AMPD3: variants seen among roughly 807,000 people sequenced by gnomAD.
The protein encoded by AMPD3 is AMP deaminase 3.
Under a neutral mutation model 82.3 loss-of-function variants are expected in AMPD3, and 57 were observed. That is an observed-to-expected ratio of 0.69 (90% CI 0.56 to 0.86). The LOEUF is 0.86. Among genes scored for constraint, AMPD3 ranks in the 40% least tolerant of loss-of-function variants. The pLI is 0.00. For synonymous variants in AMPD3, 381 were observed against 394.7 expected (o/e 0.97, Z 0.41); for missense variants, 870 against 1,003.8 (o/e 0.87, Z 1.80).
chr11:10,494,810 A>T, intron 7 of AMPD3, 89 bp from the exon 8 acceptor site: 1 of 1,581,088 alleles, frequency 6.3e-7, no homozygotes, highest in Non-Finnish European at 8.7e-7. Context: ...GTGTGGCCAT[A>T]CAGAAGGCCG....
intron 1 of AMPD3, among the ~76,000 whole-genome samples, chr11:10,459,181 G>C (rs1848187465): frequency 6.6e-6 from 1 of 152,148 alleles, no homozygotes; most frequent in Admixed American, 6.5e-5. Flanking sequence ...TTGACAGGCT[G>C]TTCCCCACCA....
chr11:10,480,263 CCT>C (rs1848863181), intron 3 of AMPD3, among the ~76,000 whole-genome samples: 1 of 152,224 alleles, frequency 6.6e-6, no homozygotes, highest in South Asian at 2.1e-4. Context: ...TCCTGAGCAT[CCT>C]CTCTGATGTC....
At chr11:10,489,702 T>A (rs1433230773) in intron 6 of AMPD3, among the ~76,000 whole-genome samples, 11 of 151,258 alleles carry the variant, frequency 7.3e-5, no homozygotes, top group African/African-American at 2.7e-4. Context: ...TTTTTTGAGA[T>A]GAAGTTTTGC....
In AMPD3 at chr11:10,496,344, A is replaced by G. The variant is rs1014745984; in HGVS notation, c.1431-468A>G. The G allele has an allele frequency of 1.5e-5, 15 of 985,224 alleles. No individual in the cohort carries two copies. In the Admixed American group the frequency reaches 1.8e-4, roughly 12 times the overall value. 61.0% of individuals were successfully genotyped at this position (985,224 alleles called of 1,614,324 possible). A position where few individuals can be genotyped will look rare whatever the true frequency, so the allele number is the denominator to read the frequency against. ...TTGGTGAGCCCCAGGGTATGGGGAG[A>G]GCTGTAGTGGTCTACATTGCTGGCC... is the stretch of plus-strand genomic sequence containing the variant. On this transcript the variant is annotated intron_variant, in intron 9 of 14. Transcript: ENST00000396553.
chr11:10,472,299 G>A (rs1304953251), intron 2 of AMPD3, among the ~76,000 whole-genome samples: 1 of 151,900 alleles, frequency 6.6e-6, no homozygotes, highest in East Asian at 1.9e-4. Context: ...GTTGGGGGGT[G>A]AGGGGCTAGG....
chr11:10,490,528 A>G (rs1037057576), intron 6 of AMPD3: 1 of 985,292 alleles, frequency 1.0e-6, no homozygotes, highest in African/African-American at 1.7e-5. Flanking sequence ...TTAGGTGAAC[A>G]CGGGGAATGC....
At chr11:10,494,779 T>C in intron 7 of AMPD3, 120 bp from the exon 8 acceptor site, 1 of 1,581,490 alleles carries the variant, frequency 6.3e-7, no homozygotes, top group Non-Finnish European at 8.6e-7. Context: ...ATGCAAGAAT[T>C]GACATAGAAG....
In AMPD3 at chr11:10,456,547, G is replaced by A. The variant is rs941705908; in HGVS notation, c.-6+1099G>A. 2.5e-6 allele frequency: 4 copies of A among 1,596,028 alleles called. No homozygotes were observed. The highest frequency in any genetic ancestry group is 3.4e-6 in the Non-Finnish European group (4 of 1,170,734). On this transcript the variant is annotated intron_variant, in intron 1 of 14. Coordinates refer to ENST00000396553, the MANE Select transcript of AMPD3 (RefSeq NM_001025389.2). This position sits in a 1 kb window ranked among gnomAD's most constrained non-coding sequence, Gnocchi z 4.3. ...AAGTTACTGTTTGTTGAAACTGGCA[G>A]TGTTTTAGAACTTTCTAACTTTGGG...
intron 14 of AMPD3, among the ~76,000 whole-genome samples, chr11:10,504,906 G>A (rs1000576925): frequency 3.9e-5 from 6 of 152,140 alleles, no homozygotes; most frequent in African/African-American, 1.4e-4. Flanking sequence ...CCACACACTT[G>A]CTATTATTCT....
At chr11:10,450,982 C>T, upstream of AMPD3, 1 of 1,561,586 alleles carries the variant, frequency 6.4e-7, no homozygotes, top group Non-Finnish European at 8.6e-7. Context: ...AGCGCGTCCC[C>T]TTTGCTCCAG....
rs1413306389 is a variant in AMPD3 at position 10,496,898 on chromosome 11, A to G, written c.1517A>G (p.Asn506Ser). Residue 506 changes from asparagine to serine, a missense_variant, in exon 10 of 15, where the codon AAC becomes AGC. By Grantham distance (46) the Asn-to-Ser change is conservative. Coordinates refer to ENST00000396553, the MANE Select transcript of AMPD3 (RefSeq NM_001025389.2). The stretch of plus-strand genomic sequence containing the variant: ...CTGCCCCTTTTCAAGGCCACTATCA[A>G]CCCCCAAGATCATCGAGAGCTTCAC... The part of the protein sequence containing the change: ...IFLPLFKATI[N>S]PQDHRELHLF... 1.2e-6 allele frequency: 2 copies of G among 1,613,858 alleles called. No homozygotes were observed. Among genetic ancestry groups the G allele is most frequent in the Non-Finnish European group, 1.7e-6 (2 of 1,179,990 alleles).
At chr11:10,481,876 C>A in intron 3 of AMPD3, 187 bp from the exon 4 acceptor site, 2 of 708,380 alleles carry the variant, frequency 2.8e-6, no homozygotes, top group Non-Finnish European at 2.5e-6. Flanking sequence ...CCAACATAAA[C>A]CATATTGTTT....
chr11:10,450,535 G>T (rs1379213837), upstream of AMPD3: 4 of 986,140 alleles, frequency 4.1e-6, no homozygotes, highest in Non-Finnish European at 4.8e-6. Flanking sequence ...GGCGGCACGG[G>T]GAGCGGTGTG....
intron 2 of AMPD3, chr11:10,473,371 G>A (rs1424991934): frequency 1.0e-5 from 10 of 985,014 alleles, no homozygotes; most frequent in Non-Finnish European, 1.2e-5. Flanking sequence ...AGGTCTTTAG[G>A]GAGGAAGGGC....
intron 4 of AMPD3, 156 bp from the exon 5 acceptor site, chr11:10,484,664 C>T (rs1461629752): frequency 7.4e-6 from 5 of 676,640 alleles, no homozygotes; most frequent in East Asian, 1.4e-4. Context: ...TAAGTGCTGA[C>T]GAGACAAAAG....
chr11:10,502,502 G>A lies in AMPD3; in HGVS notation c.1843-219G>A, dbSNP rs968826971. Reference sequence around the variant, plus strand: ...TTCCAACAGTGGGTAGAGGCACCAGGGAGGGCTGGCATGCAATGTAGGAAT... The same window carrying A: ...TTCCAACAGTGGGTAGAGGCACCAGAGAGGGCTGGCATGCAATGTAGGAAT... On this transcript the variant is annotated intron_variant, in intron 12 of 14. Coordinates refer to ENST00000396553, the MANE Select transcript of AMPD3 (RefSeq NM_001025389.2). The A allele has an allele frequency of 4.1e-6, 4 of 985,356 alleles. No homozygotes were observed. The African/African-American group carries it at 5.2e-5, about 13-fold the overall frequency. The allele number at this position is 985,356 out of a possible 1,614,324, so 61.0% of individuals were successfully genotyped here. A position where few individuals can be genotyped will look rare whatever the true frequency, so the allele number is the denominator to read the frequency against.
chr11:10,490,592 T>G (rs897519299), intron 6 of AMPD3: 3 of 985,254 alleles, frequency 3.0e-6, no homozygotes, highest in Non-Finnish European at 3.6e-6. Flanking sequence ...CTTCAATTAT[T>G]TTGTTCCTAA....
chr11:10,456,977 CTTTTTT>C lies in AMPD3; in HGVS notation c.-6+1542_-6+1547del, dbSNP rs571427952. Among the ~76,000 whole-genome samples, 29 of 129,220 alleles carry C rather than the reference CTTTTTT, an allele frequency of 2.2e-4. No homozygotes were observed. Among genetic ancestry groups the C allele is most frequent in the African/African-American group, 8.3e-4 (28 of 33,848 alleles). The allele number at this position is 129,220 out of a possible 152,430, so 84.8% of individuals were successfully genotyped here. On this transcript the variant is annotated intron_variant, in intron 1 of 14. Coordinates refer to ENST00000396553, the MANE Select transcript of AMPD3 (RefSeq NM_001025389.2). This position sits in a 1 kb window ranked among gnomAD's most constrained non-coding sequence, Gnocchi z 4.3. ...TTGTTGTGGTTGCTGTTGTTTCTTG[CTTTTTT>C]TTTTTTTTTTTTGAGAGAAGGTCTT...
intron 2 of AMPD3, chr11:10,473,390 A>G (rs1198185310): frequency 1.0e-6 from 1 of 985,220 alleles, no homozygotes; most frequent in African/African-American, 1.7e-5. Flanking sequence ...GCAGCTGGGA[A>G]GGATTGAGGA....
Sources: allele counts gnomAD v4.1 joint callset (sites outside exome capture counted in the v4.1 genomes callset), GRCh38; gene constraint gnomAD v4.1.1; non-coding constraint Gnocchi (gnomAD v3.1); transcripts MANE v1.5; gene names NCBI Gene and HGNC (gene_info 2026-07-23, HGNC 2026-07-21).